The following LRRC53 variants were observed in gnomAD, a reference collection of about 807,000 sequenced individuals.
LRRC53 encodes leucine-rich repeat-containing protein 53.
Under a neutral mutation model 13.6 loss-of-function variants are expected in LRRC53, and 25 were observed. The ratio of observed to expected loss-of-function variants is 1.83; its 90% CI spans 1.34 to 2.56. The LOEUF is 2.56. LRRC53 is among the 30% of genes most tolerant of loss of function. The pLI, the probability that LRRC53 is intolerant of heterozygous loss-of-function variation, is 0.00. For missense variants in LRRC53, 527 were observed against 275.8 expected, an observed-to-expected ratio of 1.91 and a Z score of -6.45; for synonymous variants, 204 against 109.8, an observed-to-expected ratio of 1.86 and a Z score of -5.37.
the LRRC53 span, among the ~76,000 whole-genome samples, chr1:74,523,352 T>C: frequency 6.6e-6 from 1 of 152,228 alleles, no homozygotes; most frequent in African/African-American, 2.4e-5. Flanking sequence ...TTTGTGTTTT[T>C]CTATACACAT....
At chr1:74,516,836 G>A (rs1389490920), upstream of LRRC53, among the ~76,000 whole-genome samples, 1 of 152,146 alleles carries the variant, frequency 6.6e-6, no homozygotes, top group Non-Finnish European at 1.5e-5. Context: ...GGATTTTTCA[G>A]TGTTGGAATA....
At chr1:74,510,373 T>TGCCTGGC (rs535413104) in intron 1 of LRRC53, among the ~76,000 whole-genome samples, 175 of 152,192 alleles carry the variant, frequency 1.1e-3, no homozygotes, top group Middle Eastern at 3.4e-3. Context: ...CCGGGCATGG[T>TGCCTGGC]GCCTGGCGCC....
Position 74,480,401 on chromosome 1 carries a change from G to A in LRRC53, c.656C>T (p.Thr219Ile). Residue 219 changes from threonine (T) to isoleucine (I), a missense_variant, in exon 3 of 5, where the codon ACT becomes ATT. Coordinates refer to ENST00000294635, the MANE Select transcript of LRRC53 (RefSeq NM_001382280.1). ...CCGAGCAAGGGGATGGAGATCACAA[G>A]TGCAGCTCCACTGGTTCTTATCTAA... The part of the protein sequence containing the change: ...LSLDKNQWSC[T>I]CDLHPLARFL... The A allele has an allele frequency of 1.4e-6, 1 of 717,576 alleles. No individual in the cohort carries two copies. Among genetic ancestry groups the A allele is most frequent in the Non-Finnish European group, 2.6e-6 (1 of 385,110 alleles). The allele number at this position is 717,576 out of a possible 1,614,324, so 44.5% of individuals were successfully genotyped here.
At chr1:74,488,451 T>C (rs1668877828) in intron 1 of LRRC53, among the ~76,000 whole-genome samples, 1 of 152,114 alleles carries the variant, frequency 6.6e-6, no homozygotes, top group Non-Finnish European at 1.5e-5. Flanking sequence ...GCAGTGAAAG[T>C]TTCAAAAAAG....
intron 1 of LRRC53, chr1:74,492,414 A>T (rs1001850283): frequency 1.8e-6 from 2 of 1,106,926 alleles, no homozygotes; most frequent in African/African-American, 3.2e-5. Context: ...TTCTTACGTT[A>T]TGACTAAAAA....
chr1:74,512,065 C>T (rs879865643), intron 1 of LRRC53, among the ~76,000 whole-genome samples: 1 of 152,192 alleles, frequency 6.6e-6, no homozygotes. Context: ...AGACCTCAGA[C>T]TCTTCTCTTC....
At chr1:74,501,199 T>A (rs1445356003) in intron 1 of LRRC53, among the ~76,000 whole-genome samples, 3 of 152,216 alleles carry the variant, frequency 2.0e-5, no homozygotes, top group Admixed American at 2.0e-4. Flanking sequence ...TTCTGGGTAA[T>A]TTTTTCAGAT....
chr1:74,520,563 C>A, the LRRC53 span, among the ~76,000 whole-genome samples: 1 of 151,796 alleles, frequency 6.6e-6, no homozygotes, highest in Non-Finnish European at 1.5e-5. Context: ...CTTTTCCTTC[C>A]TCCCTTTCCA....
chr1:74,516,981 A>G (rs1646358029), upstream of LRRC53, among the ~76,000 whole-genome samples: 2 of 152,220 alleles, frequency 1.3e-5, no homozygotes, highest in African/African-American at 2.4e-5. Context: ...TCATGCTCCC[A>G]TGAGCATCAT....
chr1:74,470,038 G>A lies in LRRC53; in HGVS notation c.3584C>T (p.Ala1195Val), dbSNP rs772318368. 20 of 400,524 alleles carry A rather than the reference G, an allele frequency of 5.0e-5. No homozygotes were observed. Among genetic ancestry groups the A allele is most frequent in the Admixed American group, 4.4e-4 (10 of 22,720 alleles). 24.8% of individuals were successfully genotyped at this position (400,524 alleles called of 1,614,324 possible). A position where few individuals can be genotyped will look rare whatever the true frequency, so the allele number is the denominator to read the frequency against. ...EGAMTVETHE[A>V]LSFLPGLKDS... ...TTTTAACCCTGGTAAGAAGGAAAGC[G>A]CTTCATGTGTCTCCACTGTCATTGC... Residue 1195 changes from alanine to valine, a missense_variant, in exon 5 of 5, where the codon GCG becomes GTG. Transcript: ENST00000294635.
intron 1 of LRRC53, among the ~76,000 whole-genome samples, chr1:74,494,053 T>A (rs1311891203): frequency 6.6e-6 from 1 of 152,116 alleles, no homozygotes; most frequent in African/African-American, 2.4e-5. Context: ...GTGAGCTTCA[T>A]AGATACCCTG....
intron 1 of LRRC53, among the ~76,000 whole-genome samples, chr1:74,491,303 T>C (rs575335552): frequency 6.9e-4 from 105 of 152,340 alleles, no homozygotes; most frequent in African/African-American, 2.4e-3. Context: ...CACTGCAACC[T>C]CTGCCTCCCA....
chr1:74,534,821 T>C, the LRRC53 span, among the ~76,000 whole-genome samples: 3 of 152,164 alleles, frequency 2.0e-5, no homozygotes, highest in African/African-American at 7.2e-5. Context: ...ACGATGGGTT[T>C]ATGTGAAAGT....
chr1:74,530,424 A>G, the LRRC53 span, among the ~76,000 whole-genome samples: 1 of 152,320 alleles, frequency 6.6e-6, no homozygotes, highest in East Asian at 1.9e-4. Flanking sequence ...ATGAGTTGTT[A>G]GGTGGGGCAA....
intron 1 of LRRC53, among the ~76,000 whole-genome samples, chr1:74,493,968 G>A (rs1480042662): frequency 6.6e-6 from 1 of 152,164 alleles, no homozygotes; most frequent in Non-Finnish European, 1.5e-5. Context: ...AGTGGGAATG[G>A]GGTCATAGTT....
chr1:74,491,974 G>T (rs1216539418), intron 1 of LRRC53: 2 of 1,337,746 alleles, frequency 1.5e-6, no homozygotes. Context: ...CCAGGAGCAA[G>T]CTGAGTGAAT....
At chr1:74,484,639 G>A (rs371006628) in intron 1 of LRRC53, among the ~76,000 whole-genome samples, 9 of 152,284 alleles carry the variant, frequency 5.9e-5, no homozygotes, top group Middle Eastern at 3.4e-3. Flanking sequence ...TCATGGTGGA[G>A]AGGATCCAAT....
At chr1:74,497,076 G>T (rs1570701684) in intron 1 of LRRC53, among the ~76,000 whole-genome samples, 1 of 152,238 alleles carries the variant, frequency 6.6e-6, no homozygotes, top group East Asian at 1.9e-4. Flanking sequence ...TCTTTAAATA[G>T]CTTGCCTAGT....
intron 1 of LRRC53, among the ~76,000 whole-genome samples, chr1:74,494,200 C>A (rs1669218639): frequency 6.6e-6 from 1 of 152,184 alleles, no homozygotes; most frequent in Non-Finnish European, 1.5e-5. Context: ...CATATACATA[C>A]ACACTCATAC....
Sources: allele counts gnomAD v4.1 joint callset (sites outside exome capture counted in the v4.1 genomes callset), GRCh38; gene constraint gnomAD v4.1.1; transcripts MANE v1.5; gene names NCBI Gene and HGNC (gene_info 2026-07-23, HGNC 2026-07-21).